Variants in NXN observed in about 807,000 individuals in gnomAD.
NXN encodes nucleoredoxin 1.
NXN carries 16 observed loss-of-function variants against 48.6 expected under a neutral mutation model. That is an observed-to-expected ratio of 0.33 (90% CI 0.22 to 0.50). The LOEUF is 0.50. NXN is among the 20% of genes least tolerant of loss of function. NXN has a pLI of 0.98. For synonymous variants in NXN, 281 were observed against 269.6 expected (o/e 1.04, Z -0.41); for missense variants, 492 against 605.5 (o/e 0.81, Z 1.97).
chr17:892,768 T>G (rs1415854247), intron 1 of NXN, among the ~76,000 whole-genome samples: 1 of 152,228 alleles, frequency 6.6e-6, no homozygotes, highest in Non-Finnish European at 1.5e-5. Flanking sequence ...TTGAGACCAG[T>G]GAAACAATTC....
rs1567821767 is a variant in NXN at position 830,164 on chromosome 17, G to A, written c.361-4086C>T. On this transcript the variant is annotated intron_variant, in intron 1 of 7. Transcript: ENST00000336868. This position sits in a 1 kb window ranked among gnomAD's most constrained non-coding sequence, Gnocchi z 4.2. ...GTTGTCAGCACCCTGTGCTTTCCCCGCTATGTTTTGTAACTGGTAAGAGCT... is the reference window on the plus strand; with the variant it reads ...GTTGTCAGCACCCTGTGCTTTCCCCACTATGTTTTGTAACTGGTAAGAGCT... Among the ~76,000 whole-genome samples, 3 of 152,100 alleles carry A rather than the reference G, an allele frequency of 2.0e-5. No homozygotes were observed.
At chr17:843,626 G>A (rs114753756) in intron 1 of NXN, among the ~76,000 whole-genome samples, 1,697 of 152,284 alleles carry the variant, frequency 0.011, 39 homozygotes, top group African/African-American at 0.039. Context: ...AGGAGCCAGC[G>A]TCGATCTGGA....
chr17:914,416 C>T (rs572129139), intron 1 of NXN, among the ~76,000 whole-genome samples: 16 of 151,754 alleles, frequency 1.1e-4, no homozygotes, highest in Middle Eastern at 3.4e-3. Flanking sequence ...GTGATCCACC[C>T]GCCACAGCCT....
rs1051075672 is a variant in NXN, at chr17:896,130, G to A, written c.361-70052C>T. ...TGAGGCAGGCGGATCACCTGAGGTC[G>A]GGAGTTCGAGACCAGCCTGACAACA... is the stretch of plus-strand genomic sequence containing the variant. On this transcript the variant is annotated intron_variant, in intron 1 of 7. Transcript: ENST00000336868. 1.6e-4 allele frequency among the ~76,000 whole-genome samples: 24 copies of A among 151,742 alleles called. 1 individual carries two copies. The highest frequency in any genetic ancestry group is 3.2e-4 in the Non-Finnish European group (22 of 67,954).
At chr17:843,592 G>A (rs4968063) in intron 1 of NXN, among the ~76,000 whole-genome samples, 7,959 of 152,272 alleles carry the variant, frequency 0.052, 415 homozygotes, top group East Asian at 0.22. Flanking sequence ...GAAGCGGCTG[G>A]GAGTTTGCAT....
At chr17:955,639 G>A (rs989810835) in intron 1 of NXN, among the ~76,000 whole-genome samples, 2 of 147,474 alleles carry the variant, frequency 1.4e-5, no homozygotes, top group African/African-American at 2.5e-5. Flanking sequence ...GCTCACGCCT[G>A]TAATCCCAGC....
intron 1 of NXN, among the ~76,000 whole-genome samples, chr17:922,110 GA>G (rs763125228): frequency 3.9e-5 from 6 of 152,204 alleles, no homozygotes; most frequent in Non-Finnish European, 7.3e-5. Flanking sequence ...TTGGCCAACA[GA>G]AACGGGTTAG....
chr17:961,964 G>C (rs7219328), intron 1 of NXN, among the ~76,000 whole-genome samples: 1 of 151,974 alleles, frequency 6.6e-6, no homozygotes, highest in African/African-American at 2.4e-5. Flanking sequence ...GTGAAACCTC[G>C]TTTCTACCAA....
chr17:931,148 G>A (rs574421632), intron 1 of NXN, among the ~76,000 whole-genome samples: 215 of 152,240 alleles, frequency 1.4e-3, no homozygotes, highest in African/African-American at 4.9e-3. Context: ...TTCGCCGGGT[G>A]TGGTGTCGCA....
intron 1 of NXN, chr17:896,767 C>T (rs1356930205): frequency 6.0e-6 from 5 of 835,024 alleles, no homozygotes; most frequent in African/African-American, 5.6e-5. Flanking sequence ...ACCTTCTCCT[C>T]GACTTCAAAG....
intron 1 of NXN, among the ~76,000 whole-genome samples, chr17:865,182 G>T (rs630366): frequency 0.033 from 5,072 of 152,166 alleles, 290 homozygotes; most frequent in African/African-American, 0.11. Context: ...TCTGTATTAG[G>T]TAGCAATGTT....
chr17:843,059 G>GAAAGAAAGAAAGAAAGAAA (rs1567829215), intron 1 of NXN, among the ~76,000 whole-genome samples: 3 of 98,566 alleles, frequency 3.0e-5, no homozygotes, highest in East Asian at 6.5e-4. Flanking sequence ...AAAGAAAGAA[G>GAAAGAAAGAAAGAAAGAAA]GAAGAAAGCA....
chr17:878,777 C>T (rs2068249552), intron 1 of NXN, among the ~76,000 whole-genome samples: 1 of 152,058 alleles, frequency 6.6e-6, no homozygotes, highest in African/African-American at 2.4e-5. Context: ...TGGGTAGATG[C>T]GTCAGTGAGA....
intron 1 of NXN, among the ~76,000 whole-genome samples, chr17:961,324 G>A (rs2069234237): frequency 6.6e-6 from 1 of 151,900 alleles, no homozygotes. Flanking sequence ...GGCAGAGGTT[G>A]CAGTGAGCCG....
intron 1 of NXN, among the ~76,000 whole-genome samples, chr17:924,531 C>T (rs1369997600): frequency 1.3e-5 from 2 of 152,224 alleles, no homozygotes; most frequent in East Asian, 1.9e-4. Context: ...GCCACTGCGC[C>T]CGGCCGATTT....
intron 1 of NXN, among the ~76,000 whole-genome samples, chr17:955,591 G>A (rs895431269): frequency 4.9e-5 from 7 of 143,916 alleles, no homozygotes; most frequent in Non-Finnish European, 1.1e-4. Flanking sequence ...GGTGGCTCAC[G>A]CCTGTAATCC....
chr17:812,073 G>C (rs888813293), intron 5 of NXN, among the ~76,000 whole-genome samples: 1 of 151,208 alleles, frequency 6.6e-6, no homozygotes, highest in Non-Finnish European at 1.5e-5. Flanking sequence ...GACTACAGGC[G>C]CCCGTCACCA....
At chr17:829,042 A>G (rs1446756729) in intron 1 of NXN, among the ~76,000 whole-genome samples, 3 of 151,848 alleles carry the variant, frequency 2.0e-5, no homozygotes, top group Non-Finnish European at 4.4e-5. Flanking sequence ...GTGGCAAATG[A>G]GAGAGCCCAT....
At chr17:814,090 GTC>G (rs1278621788) in intron 5 of NXN, among the ~76,000 whole-genome samples, 8 of 151,728 alleles carry the variant, frequency 5.3e-5, no homozygotes, top group Non-Finnish European at 1.2e-4. Context: ...GTGAAACCCT[GTC>G]TCTACTAAAA....
Sources: allele counts gnomAD v4.1 joint callset (sites outside exome capture counted in the v4.1 genomes callset), GRCh38; gene constraint gnomAD v4.1.1; non-coding constraint Gnocchi (gnomAD v3.1); transcripts MANE v1.5; gene names NCBI Gene and HGNC (gene_info 2026-07-23, HGNC 2026-07-21).